Variants in COL11A1 observed in about 807,000 individuals in gnomAD.
The protein encoded by COL11A1 is collagen alpha-1(XI) chain.
A neutral mutation model predicts 265.2 loss-of-function variants in COL11A1; 74 were observed. The ratio of observed to expected loss-of-function variants is 0.28; its 90% confidence interval spans 0.23 to 0.34. COL11A1 has a LOEUF of 0.34. Among genes scored for constraint, COL11A1 ranks in the 10% least tolerant of loss-of-function variants. The pLI, the probability that COL11A1 is intolerant of heterozygous loss-of-function variation, is 1.00. For missense variants in COL11A1, 2,165 were observed against 2,263.6 expected, an observed-to-expected ratio of 0.96 and a Z score of 0.88; for synonymous variants, 816 against 727.6, an observed-to-expected ratio of 1.12 and a Z score of -1.96.
chr1:102,918,073 G>T (rs765287883), intron 49 of COL11A1, among the ~76,000 whole-genome samples: 4 of 151,290 alleles, frequency 2.6e-5, no homozygotes, highest in Non-Finnish European at 5.9e-5. Context: ...TATAAATTAA[G>T]TCTATATTTC....
intron 41 of COL11A1, among the ~76,000 whole-genome samples, chr1:102,959,396 G>A (rs2615985): frequency 0.94 from 143,426 of 152,242 alleles, 67,707 homozygotes; most frequent in East Asian, 1. Context: ...CTCTTTCCTA[G>A]TATTTTCTCG....
intron 4 of COL11A1, among the ~76,000 whole-genome samples, chr1:103,040,788 A>G (rs1279829405): frequency 6.6e-6 from 1 of 151,690 alleles, no homozygotes; most frequent in Non-Finnish European, 1.5e-5. Context: ...AGTATGTAAT[A>G]TTTTTATTTT....
At chr1:102,889,653 A>G in intron 58 of COL11A1, 91 bp from the exon 59 acceptor site, 1 of 937,496 alleles carries the variant, frequency 1.1e-6, no homozygotes, top group East Asian at 2.6e-5. Flanking sequence ...AAATTTCTAA[A>G]GCATAAAAAT....
intron 13 of COL11A1, 24 bp downstream of exon 13, chr1:103,014,487 G>C: frequency 6.3e-7 from 1 of 1,593,744 alleles, no homozygotes; most frequent in Non-Finnish European, 8.6e-7. Context: ...CATCTTGTGG[G>C]AATGCAAGTT....
At chr1:103,059,978 C>T (rs1460169975) in intron 4 of COL11A1, among the ~76,000 whole-genome samples, 3 of 151,864 alleles carry the variant, frequency 2.0e-5, no homozygotes, top group Non-Finnish European at 2.9e-5. Context: ...TGAGAATTTG[C>T]CCAAATTAAT....
intron 4 of COL11A1, among the ~76,000 whole-genome samples, chr1:103,036,770 T>C (rs116317685): frequency 6.6e-6 from 1 of 152,154 alleles, no homozygotes; most frequent in African/African-American, 2.4e-5. Context: ...GGTAAAGTTA[T>C]TGAGTAAAAC....
At chr1:102,910,800 G>T (rs879384132) in intron 54 of COL11A1, among the ~76,000 whole-genome samples, 1 of 152,002 alleles carries the variant, frequency 6.6e-6, no homozygotes, top group African/African-American at 2.4e-5. Flanking sequence ...TGGTGTAGCT[G>T]GGTTGAAAGC....
chr1:103,051,538 C>T (rs570522634), intron 4 of COL11A1, among the ~76,000 whole-genome samples: 66 of 152,318 alleles, frequency 4.3e-4, no homozygotes, highest in African/African-American at 1.5e-3. Flanking sequence ...AATTCCCTGA[C>T]CCCTTGTGCT....
chr1:102,879,051 C>T (rs1649905982), intron 66 of COL11A1, among the ~76,000 whole-genome samples: 1 of 152,040 alleles, frequency 6.6e-6, no homozygotes, highest in African/African-American at 2.4e-5. Flanking sequence ...TTGCACTCCA[C>T]TCATTTTGAT....
intron 42 of COL11A1, among the ~76,000 whole-genome samples, chr1:102,941,005 T>C (rs904460070): frequency 1.3e-5 from 2 of 152,166 alleles, no homozygotes; most frequent in African/African-American, 4.8e-5. Context: ...TAAAATATAT[T>C]TTTGTAATTT....
chr1:102,913,590 C>A, intron 53 of COL11A1, 47 bp downstream of exon 53: 1 of 1,526,328 alleles, frequency 6.6e-7, no homozygotes, highest in Non-Finnish European at 9.1e-7. Flanking sequence ...ATTAAAATGC[C>A]TTGAGACTAT....
At chr1:103,021,588 C>G in intron 9 of COL11A1, 119 bp downstream of exon 9, 1 of 728,954 alleles carries the variant, frequency 1.4e-6, no homozygotes, top group South Asian at 1.5e-5. Context: ...TGGTGAATTG[C>G]AAACATCTGG....
At chr1:103,091,211 T>A (rs556689454) in intron 1 of COL11A1, among the ~76,000 whole-genome samples, 1 of 152,254 alleles carries the variant, frequency 6.6e-6, no homozygotes, top group African/African-American at 2.4e-5. Context: ...AAATGTAATA[T>A]TGTAGACCCT....
intron 9 of COL11A1, among the ~76,000 whole-genome samples, chr1:103,020,092 G>T (rs1406793934): frequency 1.3e-5 from 2 of 151,440 alleles, no homozygotes; most frequent in African/African-American, 4.9e-5. Flanking sequence ...ATAGTCCTTT[G>T]GGTATATACT....
chr1:102,997,335 G>A (rs1480926555), intron 25 of COL11A1, among the ~76,000 whole-genome samples: 1 of 151,940 alleles, frequency 6.6e-6, no homozygotes, highest in East Asian at 1.9e-4. Context: ...TTTGATGGAT[G>A]TAAGTTTCTT....
Position 103,026,211 on chromosome 1 carries a change from T to A in COL11A1, c.897+5A>T, listed in dbSNP as rs1667500095. 1 of 1,602,022 alleles carries A rather than the reference T, an allele frequency of 6.2e-7. No individual in the cohort carries two copies. The highest frequency in any genetic ancestry group is 1.7e-4 in the Middle Eastern group (1 of 6,044). ...CCACATACACAGGCACTGCTTTGTT[T>A]TTACCTCCGTCTGTGCTATTGTCTC... On this transcript the variant is annotated splice_donor_5th_base_variant and intron_variant, in intron 6 of 66. Coordinates refer to ENST00000370096, the MANE Select transcript of COL11A1 (RefSeq NM_001854.4).
chr1:102,984,045 A>AT, intron 31 of COL11A1, 93 bp downstream of exon 31: 1 of 918,182 alleles, frequency 1.1e-6, no homozygotes, highest in Non-Finnish European at 1.7e-6. Flanking sequence ...TACTCATGAT[A>AT]ATATAGAGAT....
intron 34 of COL11A1, 35 bp downstream of exon 34, chr1:102,978,825 C>G (rs560757067): frequency 6.2e-6 from 10 of 1,613,956 alleles, no homozygotes; most frequent in Non-Finnish European, 8.5e-6. Context: ...AAAAAATCTA[C>G]AGTAACATCC....
At chr1:103,069,108 C>T (rs972606621) in intron 4 of COL11A1, among the ~76,000 whole-genome samples, 1 of 151,542 alleles carries the variant, frequency 6.6e-6, no homozygotes, top group Non-Finnish European at 1.5e-5. Flanking sequence ...AAAATTGCTA[C>T]AACAATGTTT....
Sources: allele counts gnomAD v4.1 joint callset (sites outside exome capture counted in the v4.1 genomes callset), GRCh38; gene constraint gnomAD v4.1.1; transcripts MANE v1.5; gene names NCBI Gene and HGNC (gene_info 2026-07-23, HGNC 2026-07-21).